LRMDA: variants seen among roughly 807,000 people sequenced by gnomAD.
LRMDA encodes the protein leucine-rich melanocyte differentiation-associated protein.
A neutral mutation model predicts 29.8 loss-of-function variants in LRMDA; 18 were observed. That is an observed-to-expected ratio of 0.60 (90% confidence interval 0.42 to 0.90). The LOEUF (loss-of-function observed/expected upper bound fraction) is 0.90, where lower values mean the gene tolerates loss of function less well. Among genes scored for constraint, LRMDA ranks in the 40% least tolerant of loss-of-function variants. The pLI is 0.00. For synonymous variants in LRMDA, 125 were observed against 109.4 expected, an observed-to-expected ratio of 1.14 and a Z score of -0.89; for missense variants, 273 against 273.9, an observed-to-expected ratio of 1.00 and a Z score of 0.02.
chr10:76,269,710 A>G (rs986323129), intron 5 of LRMDA, among the ~76,000 whole-genome samples: 1 of 152,230 alleles, frequency 6.6e-6, no homozygotes, highest in African/African-American at 2.4e-5. Context: ...ACACTACTTA[A>G]GCGTTTACTA....
At chr10:76,460,381 C>T (rs1465224928) in intron 6 of LRMDA, among the ~76,000 whole-genome samples, 3 of 152,242 alleles carry the variant, frequency 2.0e-5, no homozygotes, top group African/African-American at 7.2e-5. Context: ...GCTAATGCTG[C>T]TAGTCCAAAA....
At chr10:75,658,999 A>C (rs1841714430) in intron 2 of LRMDA, among the ~76,000 whole-genome samples, 1 of 152,066 alleles carries the variant, frequency 6.6e-6, no homozygotes, top group African/African-American at 2.4e-5. Flanking sequence ...GTGGCTGGAG[A>C]AGCTTGATGG....
rs111904909 is a variant in LRMDA at position 76,526,260 on chromosome 10, T to A, written c.602-30949T>A. Among the ~76,000 whole-genome samples, 342 of 152,162 alleles carry A rather than the reference T, an allele frequency of 2.2e-3. 2 individuals are homozygous for A. The highest frequency in any genetic ancestry group is 0.01 in the Middle Eastern group (3 of 294). On this transcript the variant is annotated intron_variant, in intron 6 of 6. Coordinates refer to ENST00000611255, the MANE Select transcript of LRMDA (RefSeq NM_001305581.2). ...CTTCACTCAGAAGTGAGAATGGAGG[T>A]AGGCAGCCCAGGACAGTGATAGTGG... is the stretch of plus-strand genomic sequence containing the variant.
chr10:75,538,746 G>T (rs985672503), intron 2 of LRMDA, among the ~76,000 whole-genome samples: 7 of 152,176 alleles, frequency 4.6e-5, no homozygotes, highest in Non-Finnish European at 8.8e-5. Context: ...GGAAAAGGCT[G>T]GCAGAGAGAC....
chr10:75,587,685 G>C (rs1840673656), intron 2 of LRMDA, among the ~76,000 whole-genome samples: 1 of 152,224 alleles, frequency 6.6e-6, no homozygotes, highest in Admixed American at 6.5e-5. Flanking sequence ...AAAGAATCTA[G>C]AATCAGTAAC....
intron 2 of LRMDA, among the ~76,000 whole-genome samples, chr10:75,788,630 T>C (rs1843514714): frequency 6.6e-6 from 1 of 152,182 alleles, no homozygotes. Flanking sequence ...AAATTGGCCA[T>C]AGTTTTTACA....
intron 2 of LRMDA, among the ~76,000 whole-genome samples, chr10:75,693,081 T>C (rs765247049): frequency 1.2e-4 from 19 of 152,130 alleles, no homozygotes; most frequent in Admixed American, 2.6e-4. Context: ...ATCAGTCCTG[T>C]TGGCTGAGTG....
At chr10:76,232,515 T>G (rs567644815) in intron 5 of LRMDA, among the ~76,000 whole-genome samples, 4 of 152,184 alleles carry the variant, frequency 2.6e-5, no homozygotes, top group Non-Finnish European at 5.9e-5. Context: ...CTTGGAGATA[T>G]TGAAATCTCA....
chr10:75,784,396 G>A (rs1843436220), intron 2 of LRMDA, among the ~76,000 whole-genome samples: 1 of 152,194 alleles, frequency 6.6e-6, no homozygotes, highest in Non-Finnish European at 1.5e-5. Flanking sequence ...TGGTTAGTTG[G>A]TTAAGAAAGG....
At chr10:76,417,917 T>G (rs560378660) in intron 6 of LRMDA, among the ~76,000 whole-genome samples, 1 of 152,316 alleles carries the variant, frequency 6.6e-6, no homozygotes, top group South Asian at 2.1e-4. Flanking sequence ...TGAAAAGACC[T>G]GACATTCCTC....
At chr10:75,497,639 CT>C (rs796652882) in intron 2 of LRMDA, among the ~76,000 whole-genome samples, 90 of 146,240 alleles carry the variant, frequency 6.2e-4, no homozygotes, top group East Asian at 3.3e-3. Flanking sequence ...GGCAATTGCT[CT>C]TTTTTTTTTT....
intron 2 of LRMDA, among the ~76,000 whole-genome samples, chr10:75,773,473 G>C (rs1205577444): frequency 6.6e-6 from 1 of 152,178 alleles, no homozygotes; most frequent in East Asian, 1.9e-4. Context: ...TCTGGTGAGA[G>C]GGGACACTGG....
intron 1 of LRMDA, among the ~76,000 whole-genome samples, chr10:75,436,452 A>G (rs930219576): frequency 1.1e-4 from 17 of 151,984 alleles, no homozygotes; most frequent in Non-Finnish European, 2.2e-4. Context: ...TGAACGTACA[A>G]TACAGAAGAA....
intron 2 of LRMDA, among the ~76,000 whole-genome samples, chr10:75,962,826 T>C (rs1318965442): frequency 6.6e-6 from 1 of 152,196 alleles, no homozygotes; most frequent in African/African-American, 2.4e-5. Flanking sequence ...AAGTGTGACT[T>C]GTTTTTGCTA....
intron 2 of LRMDA, among the ~76,000 whole-genome samples, chr10:75,866,149 G>A (rs1314588242): frequency 3.3e-5 from 5 of 152,184 alleles, no homozygotes; most frequent in South Asian, 2.1e-4. Flanking sequence ...GGGCAACCCT[G>A]GACCCTGTGA....
At chr10:75,881,492 C>T (rs79060853) in intron 2 of LRMDA, among the ~76,000 whole-genome samples, 5 of 152,156 alleles carry the variant, frequency 3.3e-5, no homozygotes, top group South Asian at 4.1e-4. Context: ...CTCTCCCCCC[C>T]ACTACCCCTA....
At chr10:76,328,361 C>A (rs1840862655) in intron 6 of LRMDA, among the ~76,000 whole-genome samples, 1 of 152,178 alleles carries the variant, frequency 6.6e-6, no homozygotes, top group African/African-American at 2.4e-5. Flanking sequence ...TTGGGGAAAA[C>A]ATTTCTATTT....
At chr10:75,814,501 C>T (rs1233190636) in intron 2 of LRMDA, among the ~76,000 whole-genome samples, 1 of 152,146 alleles carries the variant, frequency 6.6e-6, no homozygotes, top group African/African-American at 2.4e-5. Context: ...ATTGGACTTT[C>T]GTTTTGTTTG....
rs118070627 is a variant in LRMDA, at chr10:76,141,876, C to T, written c.516+83093C>T. ...CTGTCCTCCTAGTTATTTTCTGTCT[C>T]GTTTTAATTGTTTTGTGCAGAACTT... On this transcript the variant is annotated intron_variant, in intron 5 of 6. Coordinates refer to ENST00000611255, the MANE Select transcript of LRMDA (RefSeq NM_001305581.2). Among the ~76,000 whole-genome samples, 27 of 152,190 alleles carry T rather than the reference C, an allele frequency of 1.8e-4. No homozygotes were observed. In the East Asian group the frequency reaches 2.9e-3, roughly 16 times the overall value.
Sources: allele counts gnomAD v4.1 joint callset (sites outside exome capture counted in the v4.1 genomes callset), GRCh38; gene constraint gnomAD v4.1.1; transcripts MANE v1.5; gene names NCBI Gene and HGNC (gene_info 2026-07-23, HGNC 2026-07-21).